The following XIRP2 variants were observed in gnomAD, a reference collection of about 807,000 sequenced individuals.
XIRP2 encodes xin actin-binding repeat-containing protein 2.
In XIRP2, 236 loss-of-function variants were observed where a neutral mutation model predicts 277.0. The observed-to-expected ratio is 0.85, with a 90% CI of 0.77 to 0.95. The LOEUF (loss-of-function observed/expected upper bound fraction) is 0.95. Ranked by LOEUF, XIRP2 falls within the 40% of genes least tolerant of loss-of-function variation. The pLI, the probability that XIRP2 is intolerant of heterozygous loss-of-function variation, is 0.00. For missense variants in XIRP2, 4,640 were observed against 4,157.5 expected (o/e 1.12, Z -3.19); for synonymous variants, 1,490 against 1,416.5 (o/e 1.05, Z -1.17).
At chr2:167,220,036 A>G (rs1178725832) in intron 5 of XIRP2, among the ~76,000 whole-genome samples, 1 of 152,216 alleles carries the variant, frequency 6.6e-6, no homozygotes, top group South Asian at 2.1e-4. Context: ...GCTGGCTTGT[A>G]TCAACTCTCC....
Position 167,250,143 on chromosome 2 carries a change from G to C in XIRP2, c.8751G>C (p.Lys2917Asn). The C allele has an allele frequency of 6.2e-7, 1 of 1,613,170 alleles. No individual in the cohort carries two copies. Among genetic ancestry groups the C allele is most frequent in the South Asian group, 1.1e-5 (1 of 90,968 alleles). Residue 2917 changes from lysine to asparagine, a missense_variant, in exon 9 of 11, where the codon AAG becomes AAC. Coordinates refer to ENST00000409195, the MANE Select transcript of XIRP2 (RefSeq NM_152381.6). ...KQVFSNTKDS[K>N]QEITQNKSFF... ...TCTTCTCTAATACTAAAGATTCAAA[G>C]CAAGAGATTACACAGAACAAATCTT...
At chr2:167,113,280 C>G (rs1419258632) in intron 2 of XIRP2, among the ~76,000 whole-genome samples, 1 of 152,110 alleles carries the variant, frequency 6.6e-6, no homozygotes, top group Non-Finnish European at 1.5e-5. Flanking sequence ...GTGTGGGAAT[C>G]TAAATCTCTT....
rs1201647988 is a variant in XIRP2 at position 167,251,484 on chromosome 2, A to T, written c.10092A>T (p.Ile3364=). The change falls in exon 9 of 11, where the codon ATA becomes ATT. Residue 3364 remains isoleucine (I), a synonymous_variant. Transcript: ENST00000409195. ...CAAAGGGAGAAACAAACCATAACAT[A>T]CAACAAGAAAGTCGTACATTTTGTA... ...VYAKGETNHN[I]QQESRTFCKE... is the part of the protein sequence containing the mutation. 6.2e-7 allele frequency: 1 copy of T among 1,613,368 alleles called. No individual in the cohort carries two copies. The highest frequency in any genetic ancestry group is 8.5e-7 in the Non-Finnish European group (1 of 1,179,442).
At position 167,251,056 on chromosome 2, in the gene XIRP2, C is replaced by T. The variant is rs765119236; in HGVS notation, c.9664C>T (p.Arg3222Cys). The T allele has an allele frequency of 2.5e-6, 4 of 1,613,632 alleles. No homozygotes were observed. Among genetic ancestry groups the T allele is most frequent in the Non-Finnish European group, 3.4e-6 (4 of 1,179,736 alleles). The change falls in exon 9 of 11, where the codon CGT becomes TGT. Residue 3222 changes from arginine (R) to cysteine (C), a missense_variant. Physicochemically the swap from Arg to Cys is radical, Grantham distance 180 (BLOSUM62 -3). Transcript: ENST00000409195. ...AATCATCATGTCTCCTGCAACACTT[C>T]GTCGTCAAATTAAGATAGAAACTCG... is the stretch of plus-strand genomic sequence containing the variant. ...SEIIMSPATL[R>C]RQIKIETRGR...
chr2:167,093,207 A>G (rs927587304), intron 2 of XIRP2, among the ~76,000 whole-genome samples: 1 of 151,716 alleles, frequency 6.6e-6, no homozygotes, highest in African/African-American at 2.4e-5. Context: ...GGTCTATAAT[A>G]TTAAGTAGAT....
intron 2 of XIRP2, among the ~76,000 whole-genome samples, chr2:167,132,157 C>T (rs1423592718): frequency 2.0e-5 from 3 of 152,090 alleles, no homozygotes; most frequent in Non-Finnish European, 2.9e-5. Context: ...CATCACTTGC[C>T]TGCAGTACTG....
At chr2:167,114,432 A>C (rs1021717622) in intron 2 of XIRP2, among the ~76,000 whole-genome samples, 3 of 152,028 alleles carry the variant, frequency 2.0e-5, no homozygotes, top group African/African-American at 7.2e-5. Flanking sequence ...TTGTGGTTCC[A>C]TTATGCAATT....
At chr2:167,254,234 T>G in intron 10 of XIRP2, 69 bp downstream of exon 10, 58 of 1,413,350 alleles carry the variant, frequency 4.1e-5, no homozygotes, top group South Asian at 6.9e-5. Flanking sequence ...CTCATATCTC[T>G]AGGAGGATGC....
intron 2 of XIRP2, among the ~76,000 whole-genome samples, chr2:166,929,872 A>T (rs1206589674): frequency 6.6e-6 from 1 of 152,142 alleles, no homozygotes; most frequent in African/African-American, 2.4e-5. Context: ...GGAATAAATG[A>T]TTCTCTGTCT....
intron 2 of XIRP2, among the ~76,000 whole-genome samples, chr2:166,945,803 C>T (rs1451974847): frequency 6.6e-6 from 1 of 151,596 alleles, no homozygotes; most frequent in Non-Finnish European, 1.5e-5. Flanking sequence ...TCCCAAGTAG[C>T]TGGGATTACA....
intron 2 of XIRP2, among the ~76,000 whole-genome samples, chr2:167,048,690 C>G (rs1377246031): frequency 6.6e-6 from 1 of 151,848 alleles, no homozygotes; most frequent in Non-Finnish European, 1.5e-5. Flanking sequence ...TTTCAAATTT[C>G]TCTTTCTTGG....
chr2:167,098,271 G>A (rs1196160242), intron 2 of XIRP2, among the ~76,000 whole-genome samples: 1 of 151,900 alleles, frequency 6.6e-6, no homozygotes, highest in Non-Finnish European at 1.5e-5. Flanking sequence ...CTCTAGTCTT[G>A]TCTTCATGCT....
chr2:167,173,239 G>T (rs1692747158), intron 3 of XIRP2, among the ~76,000 whole-genome samples: 2 of 151,866 alleles, frequency 1.3e-5, no homozygotes, highest in East Asian at 1.9e-4. Context: ...AACTTTTTTT[G>T]GACCCATTAA....
At chr2:166,925,607 A>G (rs941038392) in intron 2 of XIRP2, among the ~76,000 whole-genome samples, 11 of 141,544 alleles carry the variant, frequency 7.8e-5, no homozygotes, top group African/African-American at 3.0e-4. Flanking sequence ...ATATATATAT[A>G]TATATATATA....
At chr2:167,043,055 A>T (rs1220937408) in intron 2 of XIRP2, among the ~76,000 whole-genome samples, 2 of 152,154 alleles carry the variant, frequency 1.3e-5, no homozygotes, top group South Asian at 2.1e-4. Flanking sequence ...AATTACATGG[A>T]AGTTAAACAA....
At chr2:167,194,897 TG>T (rs1243905369) in intron 3 of XIRP2, among the ~76,000 whole-genome samples, 1 of 152,178 alleles carries the variant, frequency 6.6e-6, no homozygotes, top group African/African-American at 2.4e-5. Context: ...TATAAGCTTT[TG>T]TTATTAATAT....
intron 2 of XIRP2, among the ~76,000 whole-genome samples, chr2:167,100,775 T>C (rs1690465351): frequency 6.6e-6 from 1 of 152,244 alleles, no homozygotes. Flanking sequence ...CTTCAACCTC[T>C]GCCTCTCCCT....
At chr2:166,994,688 CA>C (rs572251724) in intron 2 of XIRP2, among the ~76,000 whole-genome samples, 2,201 of 107,422 alleles carry the variant, frequency 0.02, 119 homozygotes, top group African/African-American at 0.051. Context: ...CTCAGTCTAT[CA>C]AAAAAAAAAA....
intron 2 of XIRP2, among the ~76,000 whole-genome samples, chr2:167,041,205 C>CTG (rs765835026): frequency 0.014 from 2,187 of 152,286 alleles, 20 homozygotes; most frequent in African/African-American, 0.019. Context: ...ATTAAAGGAA[C>CTG]ATCAGCTCAC....
Sources: allele counts gnomAD v4.1 joint callset (sites outside exome capture counted in the v4.1 genomes callset), GRCh38; gene constraint gnomAD v4.1.1; transcripts MANE v1.5; gene names NCBI Gene and HGNC (gene_info 2026-07-23, HGNC 2026-07-21).